The following ACYP2 variants were observed in gnomAD, a reference collection of about 807,000 sequenced individuals.
The protein encoded by ACYP2 is acylphosphatase 2.
Under a neutral mutation model 11.2 loss-of-function variants are expected in ACYP2, and 12 were observed. That is an observed-to-expected ratio of 1.08 (90% CI 0.69 to 1.74). The LOEUF is 1.74. Ranked by LOEUF, ACYP2 falls within the 40% of genes most tolerant of loss-of-function variation. ACYP2 has a pLI of 0.00. For missense variants in ACYP2, 134 were observed against 101.9 expected (o/e 1.31, Z -1.35); for synonymous variants, 43 against 32.2 (o/e 1.33, Z -1.13).
chr2:54,128,907 C>T (rs1680720885), intron 4 of ACYP2, among the ~76,000 whole-genome samples: 1 of 152,156 alleles, frequency 6.6e-6, no homozygotes, highest in African/African-American at 2.4e-5. Context: ...ATCTTACCCA[C>T]TTGGTCTACT....
chr2:54,044,535 TGA>T (rs1168843144), intron 2 of ACYP2, among the ~76,000 whole-genome samples: 1 of 151,348 alleles, frequency 6.6e-6, no homozygotes, highest in African/African-American at 2.4e-5. Context: ...TGCAGTGAGC[TGA>T]GATTACACCA....
intron 2 of ACYP2, among the ~76,000 whole-genome samples, chr2:54,039,528 G>A (rs578218532): frequency 6.6e-6 from 1 of 152,056 alleles, no homozygotes; most frequent in South Asian, 2.1e-4. Flanking sequence ...CTGAGCTCAA[G>A]CAATCCACTC....
intron 2 of ACYP2, among the ~76,000 whole-genome samples, chr2:54,017,545 G>C (rs1415245483): frequency 2.6e-5 from 4 of 152,110 alleles, no homozygotes; most frequent in Admixed American, 2.0e-4. Context: ...ATGAGCCACT[G>C]TGCCTGGCCA....
intron 6 of ACYP2, among the ~76,000 whole-genome samples, chr2:54,150,984 G>A (rs184823383): frequency 8.8e-4 from 133 of 151,902 alleles, no homozygotes; most frequent in African/African-American, 2.9e-3. Context: ...CTCGTGATCC[G>A]CCCACCTCGG....
chr2:54,167,063 T>TG (rs1683010692), intron 6 of ACYP2: 1 of 152,032 alleles, frequency 6.6e-6, no homozygotes, highest in Admixed American at 6.6e-5. Context: ...CCAAAGCTAC[T>TG]GGTAATCCAT....
chr2:54,229,025 G>C (rs1166121050), intron 6 of ACYP2, among the ~76,000 whole-genome samples: 1 of 152,166 alleles, frequency 6.6e-6, no homozygotes, highest in Non-Finnish European at 1.5e-5. Context: ...AGAGTGAGAT[G>C]CATAGTTATA....
chr2:54,146,924 A>G (rs1054416861), intron 6 of ACYP2, among the ~76,000 whole-genome samples: 1 of 151,508 alleles, frequency 6.6e-6, no homozygotes, highest in Non-Finnish European at 1.5e-5. Context: ...CCTCCTGAGT[A>G]GCAGGGATTA....
At chr2:54,118,528 A>G (rs1239681150) in intron 4 of ACYP2, among the ~76,000 whole-genome samples, 1 of 152,248 alleles carries the variant, frequency 6.6e-6, no homozygotes, top group Admixed American at 6.5e-5. Context: ...TAGTTGACAA[A>G]TGGGATTTGA....
chr2:54,255,444 G>A (rs1486172669), intron 6 of ACYP2: 2 of 1,613,906 alleles, frequency 1.2e-6, no homozygotes, highest in African/African-American at 1.3e-5. Flanking sequence ...GCTCCAGGTA[G>A]TATTCATGAA....
At chr2:54,297,256 G>A (rs1272124302) in intron 6 of ACYP2, among the ~76,000 whole-genome samples, 1 of 148,588 alleles carries the variant, frequency 6.7e-6, no homozygotes, top group East Asian at 1.9e-4. Flanking sequence ...CACTTTAGGA[G>A]GCCAAGGTGG....
At chr2:54,299,605 AAAAG>A (rs1395602691) in intron 6 of ACYP2, among the ~76,000 whole-genome samples, 1 of 151,926 alleles carries the variant, frequency 6.6e-6, no homozygotes, top group South Asian at 2.1e-4. Context: ...AAAAAAAAAA[AAAAG>A]AAAAGAAAAA....
intron 2 of ACYP2, among the ~76,000 whole-genome samples, chr2:54,014,300 C>T (rs1389849345): frequency 6.6e-6 from 1 of 151,978 alleles, no homozygotes. Context: ...TCAGGATTAT[C>T]TTCACTTTAT....
chr2:54,267,204 G>C, intron 6 of ACYP2: 1 of 1,336,410 alleles, frequency 7.5e-7, no homozygotes, highest in African/African-American at 1.5e-5. Context: ...ATGTTTTTTA[G>C]GGGCCTATAA....
chr2:54,017,579 AT>A (rs113851572), intron 2 of ACYP2, among the ~76,000 whole-genome samples: 1 of 152,082 alleles, frequency 6.6e-6, no homozygotes, highest in African/African-American at 2.4e-5. Flanking sequence ...CAACATATGA[AT>A]TTTGGAAAAC....
At chr2:54,149,359 T>G (rs538263955) in intron 6 of ACYP2, among the ~76,000 whole-genome samples, 37 of 152,338 alleles carry the variant, frequency 2.4e-4, no homozygotes, top group African/African-American at 8.2e-4. Flanking sequence ...GATGTGTGTG[T>G]TTTCTTCTTC....
chr2:54,069,086 C>A (rs1329789017), intron 4 of ACYP2, among the ~76,000 whole-genome samples: 1 of 151,860 alleles, frequency 6.6e-6, no homozygotes, highest in Non-Finnish European at 1.5e-5. Flanking sequence ...ACCACCACAC[C>A]CAACTAATTT....
chr2:54,016,562 AAGTG>A (rs1673694117), intron 2 of ACYP2, among the ~76,000 whole-genome samples: 1 of 152,082 alleles, frequency 6.6e-6, no homozygotes, highest in African/African-American at 2.4e-5. Flanking sequence ...AGTTTTATAT[AAGTG>A]AGTGTTCTAG....
intron 6 of ACYP2, among the ~76,000 whole-genome samples, chr2:54,266,899 G>A (rs1025751191): frequency 6.6e-5 from 10 of 152,040 alleles, no homozygotes; most frequent in South Asian, 2.1e-4. Flanking sequence ...ATGAGCCACC[G>A]CACCCGGCCG....
chr2:54,176,858 G>C (rs1397070474), intron 6 of ACYP2, among the ~76,000 whole-genome samples: 2 of 152,286 alleles, frequency 1.3e-5, no homozygotes, highest in Non-Finnish European at 2.9e-5. Context: ...ACTCTGAAGG[G>C]CCATCCTAGC....
Sources: gnomAD v4.1 joint callset for allele counts (sites outside exome capture counted in the v4.1 genomes callset) on GRCh38, gnomAD v4.1.1 for gene constraint, MANE v1.5 for transcripts, NCBI Gene and HGNC (gene_info 2026-07-23, HGNC 2026-07-21) for gene names.